The following ZNF208 variants were observed in gnomAD, a reference collection of about 807,000 sequenced individuals.
The protein encoded by ZNF208 is zinc finger protein 208.
ZNF208 carries 10 observed loss-of-function variants against 12.1 expected under a neutral mutation model. The observed-to-expected ratio is 0.83, with a 90% CI of 0.51 to 1.40. ZNF208 has a LOEUF of 1.40. Among genes scored for constraint, ZNF208 ranks in the 40% most tolerant of loss-of-function variants. ZNF208 has a pLI of 0.00. For missense variants in ZNF208, 1,652 were observed against 1,485.0 expected, an observed-to-expected ratio of 1.11 and a Z score of -1.85; for synonymous variants, 497 against 488.4, an observed-to-expected ratio of 1.02 and a Z score of -0.23.
Position 21,972,723 on chromosome 19 carries a change from G to T in ZNF208, c.2311C>A (p.His771Asn), listed in dbSNP as rs544242313. ...SSTLSYHKKI[H>N]TVEKPYKCEE... ...CATTTGTAGGGTTTCTCTACAGTAT[G>T]AATTTTCTTATGATAACTAAGGGTT... The change falls in exon 4 of 4, where the codon CAT (histidine) becomes AAT (asparagine). Residue 771 changes from histidine to asparagine, a missense_variant. By Grantham distance (68) the His-to-Asn change is moderately conservative. Transcript: ENST00000397126. 2.1e-5 allele frequency: 33 copies of T among 1,589,022 alleles called. No homozygotes were observed. In the Admixed American group the frequency reaches 3.3e-4, roughly 16 times the overall value.
intron 4 of ZNF208, among the ~76,000 whole-genome samples, chr19:21,959,964 G>T (rs1204765761): frequency 6.6e-6 from 1 of 152,030 alleles, no homozygotes; most frequent in Non-Finnish European, 1.5e-5. Flanking sequence ...TAGTATTTAT[G>T]AATAATTTAA....
At position 21,972,097 on chromosome 19, in the gene ZNF208, G is replaced by T; in HGVS notation, c.2937C>A (p.Gly979=). Residue 979 remains glycine (G), a synonymous_variant, in exon 4 of 4, where the codon GGC becomes GGA. Coordinates refer to ENST00000397126, the MANE Select transcript of ZNF208 (RefSeq NM_007153.3). ...EEKPYKYEEC[G]KGFSTFSILT... Reference sequence around the variant, plus strand: ...GGATTGAGAATGTACTAAAGCCTTTGCCACATTCTTCATATTTGTAAGGTT... The same window carrying T: ...GGATTGAGAATGTACTAAAGCCTTTTCCACATTCTTCATATTTGTAAGGTT... 6.2e-7 allele frequency: 1 copy of T among 1,613,326 alleles called. No individual in the cohort carries two copies. Among genetic ancestry groups the T allele is most frequent in the South Asian group, 1.1e-5 (1 of 91,022 alleles).
intron 4 of ZNF208, among the ~76,000 whole-genome samples, chr19:21,955,670 C>T (rs763999390): frequency 8.5e-5 from 13 of 152,182 alleles, no homozygotes; most frequent in Non-Finnish European, 1.5e-4. Context: ...CCAAGGTTTT[C>T]AGCTTCATTA....
At chr19:21,950,193 T>A (rs1286400616) in intron 4 of ZNF208, among the ~76,000 whole-genome samples, 1 of 152,228 alleles carries the variant, frequency 6.6e-6, no homozygotes, top group Non-Finnish European at 1.5e-5. Context: ...GCCTTTCTAT[T>A]TTTATCTATA....
At chr19:21,990,315 T>G (rs576528740) in intron 1 of ZNF208, among the ~76,000 whole-genome samples, 1 of 152,234 alleles carries the variant, frequency 6.6e-6, no homozygotes, top group Non-Finnish European at 1.5e-5. Flanking sequence ...TAGCCAGTTT[T>G]CCCAGCACCA....
intron 4 of ZNF208, chr19:21,941,327 T>C (rs745832215): frequency 1.0e-5 from 4 of 398,344 alleles, no homozygotes; most frequent in Non-Finnish European, 1.8e-5. Context: ...ATAGAAAGAG[T>C]TGATGAGTCT....
rs58939967 is a variant in ZNF208, at chr19:22,001,892, CAAAAAAAAAAAAAAAAAA to C, written c.3+8882_3+8899del. Among the ~76,000 whole-genome samples the C allele has an allele frequency of 9.4e-5, 7 of 74,102 alleles. No homozygotes were observed. The East Asian group carries it at 1.3e-3, about 14-fold the overall frequency. The allele number at this position is 74,102 out of a possible 152,430, so 48.6% of individuals were successfully genotyped here. On this transcript the variant is annotated intron_variant, in intron 1 of 3. Transcript: ENST00000397126. ...TGGATGACACAGTGAGACTCCATCC[CAAAAAAAAAAAAAAAAAA>C]AAAAAAAAAAAGAAAAAAGAAAAGA... is the stretch of plus-strand genomic sequence containing the variant.
intron 1 of ZNF208, among the ~76,000 whole-genome samples, chr19:22,003,426 T>C (rs774166752): frequency 1.3e-5 from 2 of 151,492 alleles, no homozygotes; most frequent in South Asian, 4.2e-4. Flanking sequence ...TTGCAAACTA[T>C]GCTTCTGACA....
At chr19:21,958,883 C>T (rs1437245588) in intron 4 of ZNF208, among the ~76,000 whole-genome samples, 2 of 151,962 alleles carry the variant, frequency 1.3e-5, no homozygotes, top group Non-Finnish European at 2.9e-5. Flanking sequence ...GGGAAGGGTC[C>T]CCAGAGAGCC....
At position 21,973,771 on chromosome 19, in the gene ZNF208, T is replaced by C. The variant is rs549521467; in HGVS notation, c.1263A>G (p.Gly421=). 35 of 1,606,234 alleles carry C rather than the reference T, an allele frequency of 2.2e-5. No individual in the cohort carries two copies. In the South Asian group the frequency reaches 3.9e-4, roughly 18 times the overall value. ...ILTKHEVIHT[G]EKPYKCEECG... is the part of the protein sequence containing the mutation. ...ATTCTTCACATTTGTAGGGTTTCTC[T>C]CCAGTATGAATGACCTCATGTTTAG... Residue 421 remains glycine (G), a synonymous_variant, in exon 4 of 4, where the codon GGA becomes GGG. Coordinates refer to ENST00000397126, the MANE Select transcript of ZNF208 (RefSeq NM_007153.3).
chr19:21,959,808 A>G (rs935947698), intron 4 of ZNF208, among the ~76,000 whole-genome samples: 8 of 152,206 alleles, frequency 5.3e-5, no homozygotes, highest in African/African-American at 1.2e-4. Context: ...AGAAAAATAT[A>G]TATCTACTGT....
At chr19:21,952,088 G>T (rs1969898040) in intron 4 of ZNF208, among the ~76,000 whole-genome samples, 1 of 152,226 alleles carries the variant, frequency 6.6e-6, no homozygotes, top group Non-Finnish European at 1.5e-5. Flanking sequence ...CAGCAGCCTG[G>T]CTAGGGGAGG....
At chr19:22,006,532 G>C (rs1971047035) in intron 1 of ZNF208, among the ~76,000 whole-genome samples, 1 of 152,094 alleles carries the variant, frequency 6.6e-6, no homozygotes, top group South Asian at 2.1e-4. Context: ...AACCTTAACT[G>C]CATCTGCCTG....
At chr19:22,009,287 G>T (rs1350391357) in intron 1 of ZNF208, among the ~76,000 whole-genome samples, 1 of 152,144 alleles carries the variant, frequency 6.6e-6, no homozygotes, top group Non-Finnish European at 1.5e-5. Flanking sequence ...GTATTTTACT[G>T]CAAGCCAGAG....
chr19:21,957,024 G>A (rs1392077570), intron 4 of ZNF208, among the ~76,000 whole-genome samples: 4 of 152,098 alleles, frequency 2.6e-5, no homozygotes, highest in Non-Finnish European at 5.9e-5. Flanking sequence ...TTGCATCAGT[G>A]AAACAAAAAT....
intron 1 of ZNF208, among the ~76,000 whole-genome samples, chr19:22,006,571 G>C (rs1338517092): frequency 6.6e-6 from 1 of 152,076 alleles, no homozygotes; most frequent in Non-Finnish European, 1.5e-5. Flanking sequence ...GGGCTCTGTA[G>C]CTTCTCTCAC....
rs267605388 is a variant in ZNF208, at chr19:21,974,729, C to T, written c.305G>A (p.Arg102Lys). 6.2e-7 allele frequency: 1 copy of T among 1,612,676 alleles called. No individual in the cohort carries two copies. Among genetic ancestry groups the T allele is most frequent in the South Asian group, 1.1e-5 (1 of 90,908 alleles). The change falls in exon 4 of 4, where the codon AGG becomes AAG. Residue 102 changes from arginine (R) to lysine (K), a missense_variant. Around this residue, in one of 3 missense-constraint regions of ZNF208, gnomAD observed 410 missense variants for 378.2 expected, o/e 1.08. Coordinates refer to ENST00000397126, the MANE Select transcript of ZNF208 (RefSeq NM_007153.3). ...ATTCTCATGTCCACATTTTTCATAC[C>T]TTCTCAATATCACTTTTTGGAAAGA... Reference protein sequence around the residue: ...EDSFQKVILRRYEKCGHENLH... With the variant: ...EDSFQKVILRKYEKCGHENLH...
chr19:21,956,741 C>T (rs1969985123), intron 4 of ZNF208, among the ~76,000 whole-genome samples: 1 of 152,196 alleles, frequency 6.6e-6, no homozygotes. Context: ...TCTGTCACAG[C>T]TTCCCTTGGC....
chr19:21,952,411 A>G (rs558347073), intron 4 of ZNF208, among the ~76,000 whole-genome samples: 1 of 152,308 alleles, frequency 6.6e-6, no homozygotes, highest in South Asian at 2.1e-4. Context: ...GCCGACAGAT[A>G]CCTCATATAG....
Sources: gnomAD v4.1 joint callset for allele counts (sites outside exome capture counted in the v4.1 genomes callset) on GRCh38, gnomAD v4.1.1 for gene constraint, gnomAD v4.1.1 regional missense constraint, MANE v1.5 for transcripts, NCBI Gene and HGNC (gene_info 2026-07-23, HGNC 2026-07-21) for gene names.